Variants in DGKI observed in about 807,000 individuals in gnomAD.
DGKI encodes DAG kinase iota.
In DGKI, 55 loss-of-function variants were observed where a neutral mutation model predicts 147.5. The ratio of observed to expected loss-of-function variants is 0.37; its 90% CI spans 0.30 to 0.47. The LOEUF is 0.47. DGKI is among the 20% of genes least tolerant of loss of function. The pLI is 1.00. For synonymous variants in DGKI, 469 were observed against 477.1 expected (o/e 0.98, Z 0.22); for missense variants, 1,007 against 1,323.8 (o/e 0.76, Z 3.71).
chr7:137,642,757 C>G (rs1455497162), intron 6 of DGKI, among the ~76,000 whole-genome samples: 1 of 151,744 alleles, frequency 6.6e-6, no homozygotes, highest in Non-Finnish European at 1.5e-5. Context: ...GTCCAAACAT[C>G]ATTTTATTGT....
Position 137,577,238 on chromosome 7 carries a change from T to C in DGKI, c.1745A>G (p.Lys582Arg). The change falls in exon 17 of 33, where the codon AAA becomes AGA. Residue 582 changes from lysine to arginine, a missense_variant. Physicochemically the swap from Lys to Arg is conservative, Grantham distance 26. Coordinates refer to ENST00000614521, the MANE Select transcript of DGKI (RefSeq NM_001321708.2). ...FLQRSSRDLS[K>R]HVKVVCDGTD... Reference sequence around the variant, plus strand: ...AATACTTACAACAACTTTAACATGTTTGGATAGATCTCTAGAACTTCTCTG... The same window carrying C: ...AATACTTACAACAACTTTAACATGTCTGGATAGATCTCTAGAACTTCTCTG... 1 of 1,597,726 alleles carries C rather than the reference T, an allele frequency of 6.3e-7. No homozygotes were observed. The highest frequency in any genetic ancestry group is 8.6e-7 in the Non-Finnish European group (1 of 1,168,958).
At chr7:137,591,559 G>A (rs1427363884) in intron 12 of DGKI, among the ~76,000 whole-genome samples, 2 of 152,140 alleles carry the variant, frequency 1.3e-5, no homozygotes, top group African/African-American at 2.4e-5. Flanking sequence ...AGAAGTGTGG[G>A]GCACCGAGCT....
chr7:137,387,818 A>G lies in DGKI; in HGVS notation c.*3402T>C, dbSNP rs1811222831. 1 of 152,214 alleles carries G rather than the reference A, an allele frequency of 6.6e-6. No individual in the cohort carries two copies. Among genetic ancestry groups the G allele is most frequent in the Admixed American group, 6.5e-5 (1 of 15,272 alleles). 9.4% of individuals were successfully genotyped at this position (152,214 alleles called of 1,614,324 possible). ...CCCCTAAATATTATTAATAAAATTG[A>G]CATGTAATAAAATAAAGATGCTGTG... On this transcript the variant is annotated 3_prime_UTR_variant, in exon 33 of 33. Coordinates refer to ENST00000614521, the MANE Select transcript of DGKI (RefSeq NM_001321708.2).
intron 21 of DGKI, among the ~76,000 whole-genome samples, chr7:137,492,727 T>G (rs1366362592): frequency 6.6e-6 from 1 of 152,008 alleles, no homozygotes; most frequent in African/African-American, 2.4e-5. Context: ...CGTCCCATGC[T>G]CCCCTAGGAA....
chr7:137,506,232 A>C (rs1395464645), intron 21 of DGKI, among the ~76,000 whole-genome samples: 1 of 152,220 alleles, frequency 6.6e-6, no homozygotes, highest in Non-Finnish European at 1.5e-5. Context: ...TGAACAGATA[A>C]ATTGTGGTAT....
intron 6 of DGKI, among the ~76,000 whole-genome samples, chr7:137,637,243 T>A (rs1288956463): frequency 6.6e-6 from 1 of 152,242 alleles, no homozygotes; most frequent in East Asian, 1.9e-4. Context: ...GATCACTCAA[T>A]AAACTTCATA....
chr7:137,691,829 T>C (rs1301642244), intron 1 of DGKI, among the ~76,000 whole-genome samples: 1 of 144,316 alleles, frequency 6.9e-6, no homozygotes, highest in African/African-American at 2.8e-5. Context: ...TTTAAGCCTC[T>C]TGTATTCCTA....
In DGKI at chr7:137,618,151, A is replaced by ATTTTTTT. The variant is rs1156891729; in HGVS notation, c.993+1666_993+1672dup. 1.9e-3 allele frequency among the ~76,000 whole-genome samples: 20 copies of ATTTTTTT among 10,436 alleles called. 1 individual carries two copies. Among genetic ancestry groups the ATTTTTTT allele is most frequent in the East Asian group, 7.4e-3 (1 of 136 alleles). 6.8% of individuals were successfully genotyped at this position (10,436 alleles called of 152,430 possible). On this transcript the variant is annotated intron_variant, in intron 8 of 32. Transcript: ENST00000614521. ...ACTATATATATATATATATATATAT[A>ATTTTTTT]TTTTTTTTTTTTTACTCTATCATTC...
intron 21 of DGKI, among the ~76,000 whole-genome samples, chr7:137,497,169 C>T (rs28849673): frequency 0.073 from 11,034 of 150,712 alleles, 529 homozygotes; most frequent in African/African-American, 0.14. Flanking sequence ...GACATATATC[C>T]GGCAATCAAT....
chr7:137,724,480 T>C (rs1794663913), intron 1 of DGKI, among the ~76,000 whole-genome samples: 1 of 152,170 alleles, frequency 6.6e-6, no homozygotes, highest in African/African-American at 2.4e-5. Flanking sequence ...TGGCTTGGAT[T>C]GGAGTGGTAA....
intron 28 of DGKI, among the ~76,000 whole-genome samples, chr7:137,424,745 C>T (rs1325988051): frequency 6.6e-6 from 1 of 152,174 alleles, no homozygotes; most frequent in African/African-American, 2.4e-5. Context: ...TATCTCGCAC[C>T]TGGATTGGAG....
chr7:137,577,661 T>C lies in DGKI; in HGVS notation c.1699-377A>G, dbSNP rs370029683. Among the ~76,000 whole-genome samples, 37 of 152,342 alleles carry C rather than the reference T, an allele frequency of 2.4e-4. 1 individual carries two copies. The South Asian group carries it at 7.5e-3, about 31-fold the overall frequency. ...TGAGTTTCACAGGGTTTGACTTCCA[T>C]AAACTACGTATGCAGCTCCCAAACG... On this transcript the variant is annotated intron_variant, in intron 16 of 32. Coordinates refer to ENST00000614521, the MANE Select transcript of DGKI (RefSeq NM_001321708.2).
At chr7:137,778,479 G>C (rs1266866394) in intron 1 of DGKI, among the ~76,000 whole-genome samples, 3 of 152,112 alleles carry the variant, frequency 2.0e-5, no homozygotes, top group Non-Finnish European at 1.5e-5. Context: ...ACAATGGGCA[G>C]GTGTGTTACA....
At chr7:137,430,114 T>C (rs1813000405) in intron 28 of DGKI, among the ~76,000 whole-genome samples, 1 of 124,018 alleles carries the variant, frequency 8.1e-6, no homozygotes, top group Non-Finnish European at 1.7e-5. Flanking sequence ...CGTATATTTA[T>C]TGTGGCACTA....
intron 5 of DGKI, among the ~76,000 whole-genome samples, chr7:137,649,651 A>G (rs1344380677): frequency 6.6e-6 from 1 of 151,928 alleles, no homozygotes; most frequent in African/African-American, 2.4e-5. Context: ...GGGTTCGGTA[A>G]ATACTGCTCA....
chr7:137,407,923 C>A lies in DGKI; in HGVS notation c.2872G>T (p.Ala958Ser). 1 of 1,614,114 alleles carries A rather than the reference C, an allele frequency of 6.2e-7. No individual in the cohort carries two copies. The highest frequency in any genetic ancestry group is 8.5e-7 in the Non-Finnish European group (1 of 1,179,988). Residue 958 changes from alanine (A) to serine (S), a missense_variant, in exon 30 of 33, where the codon GCA becomes TCA. By Grantham distance (99) the Ala-to-Ser change is moderately conservative. Coordinates refer to ENST00000614521, the MANE Select transcript of DGKI (RefSeq NM_001321708.2). Reference protein sequence around the residue: ...GPDHCSLLHYAAKTGNGEIVK... With the variant: ...GPDHCSLLHYSAKTGNGEIVK... ...ATCTCCCCGTTGCCGGTTTTAGCTG[C>A]GTAGTGAAGGAGTGAACAGTGGTCT...
chr7:137,730,848 G>T (rs1253805959), intron 1 of DGKI, among the ~76,000 whole-genome samples: 2 of 151,966 alleles, frequency 1.3e-5, no homozygotes, highest in Non-Finnish European at 2.9e-5. Context: ...CCATGTCTCA[G>T]CTTTTTCATT....
Position 137,846,659 on chromosome 7 carries a change from G to A in DGKI, c.204C>T (p.Gly68=). 4.7e-6 allele frequency: 5 copies of A among 1,069,302 alleles called. No individual in the cohort carries two copies. The highest frequency in any genetic ancestry group is 4.5e-6 in the Non-Finnish European group (4 of 883,042). 66.2% of individuals were successfully genotyped at this position (1,069,302 alleles called of 1,614,324 possible). Residue 68 remains glycine (G), a synonymous_variant, in exon 1 of 33, where the codon GGC becomes GGT. Coordinates refer to ENST00000614521, the MANE Select transcript of DGKI (RefSeq NM_001321708.2). The surrounding 1 kb of genome is among the most constrained non-coding windows in gnomAD (Gnocchi z 4.0). ...SAGEEKGATG[G]SSSSGSGAGS... Reference sequence around the variant, plus strand: ...CGGCGCCGCTTCCGCTGCTGCTGCTGCCGCCCGTCGCCCCTTTCTCCTCTC... The same window carrying A: ...CGGCGCCGCTTCCGCTGCTGCTGCTACCGCCCGTCGCCCCTTTCTCCTCTC...
intron 1 of DGKI, among the ~76,000 whole-genome samples, chr7:137,691,802 T>TTTTTTTTTGTTG (rs1823616078): frequency 8.2e-6 from 1 of 122,250 alleles, no homozygotes; most frequent in Admixed American, 7.5e-5. Flanking sequence ...CTTTGGGTTT[T>TTTTTTTTTGTTG]TTTTTTTTTT....
Sources: gnomAD v4.1 joint callset for allele counts (sites outside exome capture counted in the v4.1 genomes callset) on GRCh38, gnomAD v4.1.1 for gene constraint, Gnocchi (gnomAD v3.1) non-coding constraint, MANE v1.5 for transcripts, NCBI Gene and HGNC (gene_info 2026-07-23, HGNC 2026-07-21) for gene names.